ANK2: variants seen among roughly 807,000 people sequenced by gnomAD.
ANK2 encodes the protein ankyrin-2.
ANK2 carries 83 observed loss-of-function variants against 360.5 expected under a neutral mutation model. The observed-to-expected ratio is 0.23, with a 90% CI of 0.19 to 0.28. The LOEUF is 0.28. Ranked by LOEUF, ANK2 falls within the 10% of genes least tolerant of loss-of-function variation. The pLI, the probability that ANK2 is intolerant of heterozygous loss-of-function variation, is 1.00. For synonymous variants in ANK2, 1,740 were observed against 1,759.5 expected (o/e 0.99, Z 0.28); for missense variants, 4,201 against 4,795.7 (o/e 0.88, Z 3.66).
At chr4:113,350,305 C>G in intron 37 of ANK2, 56 bp downstream of exon 37, 1 of 1,514,708 alleles carries the variant, frequency 6.6e-7, no homozygotes, top group Non-Finnish European at 9.1e-7. Flanking sequence ...TAAAAAGAAG[C>G]ATGAATTAAA....
At chr4:112,941,797 G>C (rs139351316) in intron 2 of ANK2, among the ~76,000 whole-genome samples, 10 of 149,380 alleles carry the variant, frequency 6.7e-5, no homozygotes, top group African/African-American at 2.4e-4. Flanking sequence ...ATACATTTAC[G>C]TGTGTATATT....
chr4:113,147,458 T>C (rs897695065), intron 1 of ANK2, among the ~76,000 whole-genome samples: 3 of 152,208 alleles, frequency 2.0e-5, no homozygotes, highest in Admixed American at 6.5e-5. Context: ...TTAATTAATA[T>C]AGCCTGTTAG....
chr4:112,788,914 T>G, the ANK2 span: 6 of 645,940 alleles, frequency 9.3e-6, no homozygotes, highest in East Asian at 1.6e-4. Context: ...TTTTAATTAT[T>G]AATATTATAT....
chr4:113,275,841 G>A (rs151035050), intron 15 of ANK2, among the ~76,000 whole-genome samples: 27 of 150,762 alleles, frequency 1.8e-4, no homozygotes, highest in East Asian at 5.8e-4. Flanking sequence ...ATAATAAAAC[G>A]TAGTCTTTTG....
intron 2 of ANK2, among the ~76,000 whole-genome samples, chr4:112,975,995 TA>T (rs1176846741): frequency 6.6e-6 from 1 of 152,168 alleles, no homozygotes; most frequent in Non-Finnish European, 1.5e-5. Context: ...ATTTAATTGG[TA>T]TTTTTTTCAA....
the ANK2 span, among the ~76,000 whole-genome samples, chr4:112,811,800 G>A: frequency 6.6e-6 from 1 of 152,116 alleles, no homozygotes; most frequent in Non-Finnish European, 1.5e-5. Context: ...ACTCCGGCCG[G>A]GCGCGGTGGC....
chr4:112,930,313 G>T (rs1213496260), intron 2 of ANK2, among the ~76,000 whole-genome samples: 2 of 151,748 alleles, frequency 1.3e-5, no homozygotes, highest in Non-Finnish European at 2.9e-5. Context: ...GGTTTGGTGT[G>T]CACACACACC....
At chr4:113,147,007 C>A (rs2096859453) in intron 1 of ANK2, among the ~76,000 whole-genome samples, 1 of 152,158 alleles carries the variant, frequency 6.6e-6, no homozygotes, top group South Asian at 2.1e-4. Context: ...CATTTCTTAG[C>A]ACTGAAACTC....
the ANK2 span, among the ~76,000 whole-genome samples, chr4:112,792,591 C>T: frequency 9.2e-5 from 14 of 152,058 alleles, no homozygotes; most frequent in African/African-American, 2.7e-4. Context: ...ATTTTAGGTG[C>T]TTGGTGTTTA....
chr4:113,322,467 C>T (rs1407204282), intron 26 of ANK2, among the ~76,000 whole-genome samples: 2 of 152,228 alleles, frequency 1.3e-5, no homozygotes, highest in African/African-American at 2.4e-5. Context: ...TTTAATTTTA[C>T]AATTCTTCTT....
intron 45 of ANK2, 85 bp downstream of exon 45, chr4:113,373,534 T>G (rs775911399): frequency 1.4e-6 from 2 of 1,430,156 alleles, no homozygotes; most frequent in African/African-American, 2.8e-5. Flanking sequence ...TGTTTATTCA[T>G]ATTTTCCTCA....
chr4:113,228,870 C>G (rs1341798088), intron 4 of ANK2, among the ~76,000 whole-genome samples: 2 of 152,096 alleles, frequency 1.3e-5, no homozygotes, highest in African/African-American at 2.4e-5. Context: ...GGTTAAGTAT[C>G]TCCTACTTTG....
At chr4:113,021,362 A>G (rs2058023798) in intron 2 of ANK2, among the ~76,000 whole-genome samples, 1 of 151,880 alleles carries the variant, frequency 6.6e-6, no homozygotes, top group Admixed American at 6.6e-5. Flanking sequence ...AGCTGAGATC[A>G]AGTTTGCCAA....
rs1372849631 is a variant in ANK2 at position 113,357,087 on chromosome 4, G to A, written c.8469G>A (p.Glu2823=). The change falls in exon 38 of 46, where the codon GAG becomes GAA. Residue 2823 remains glutamate (E), a synonymous_variant. Coordinates refer to ENST00000357077, the MANE Select transcript of ANK2 (RefSeq NM_001148.6). ...ALQGTHEKDT[E]GEELDVSRAE... Reference sequence around the variant, plus strand: ...AAGGCACTCATGAAAAAGACACAGAGGGAGAAGAGCTTGATGTTTCTAGAG... The same window carrying A: ...AAGGCACTCATGAAAAAGACACAGAAGGAGAAGAGCTTGATGTTTCTAGAG... 6.8e-6 allele frequency: 11 copies of A among 1,613,940 alleles called. No homozygotes were observed. Among genetic ancestry groups the A allele is most frequent in the Non-Finnish European group, 8.5e-6 (10 of 1,179,978 alleles).
chr4:112,759,162 G>T, the ANK2 span, among the ~76,000 whole-genome samples: 2 of 151,878 alleles, frequency 1.3e-5, no homozygotes, highest in Non-Finnish European at 1.5e-5. Flanking sequence ...AAGAGACAGG[G>T]TCTCGCTCTG....
Position 113,287,678 on chromosome 4 carries a change from G to A in ANK2, c.2153G>A (p.Gly718Glu). Reference sequence around the variant, plus strand: ...GTTGCTGATATTCTCACCAAGCATGGAGCTGATCAGGATGCTCATACAAAG... The same window carrying A: ...GTTGCTGATATTCTCACCAAGCATGAAGCTGATCAGGATGCTCATACAAAG... ...VNVADILTKH[G>E]ADQDAHTKLG... The change falls in exon 19 of 46, where the codon GGA becomes GAA. Residue 718 changes from glycine (G) to glutamate (E), a missense_variant. Physicochemically the swap from Gly to Glu is moderately conservative, Grantham distance 98 (BLOSUM62 -2). Transcript: ENST00000357077. The A allele has an allele frequency of 6.2e-7, 1 of 1,612,672 alleles. No individual in the cohort carries two copies. The highest frequency in any genetic ancestry group is 8.5e-7 in the Non-Finnish European group (1 of 1,178,798).
chr4:112,739,456 A>G, the ANK2 span, among the ~76,000 whole-genome samples: 2 of 152,146 alleles, frequency 1.3e-5, no homozygotes, highest in Non-Finnish European at 2.9e-5. Flanking sequence ...TCTACTAAAA[A>G]TACAAAAATT....
intron 3 of ANK2, 83 bp from the exon 4 acceptor site, chr4:113,198,928 T>C: frequency 2.8e-6 from 3 of 1,083,386 alleles, no homozygotes; most frequent in East Asian, 2.4e-5. Context: ...AAGTGATTAG[T>C]GAAGTTGAAA....
At chr4:112,808,290 C>T in the ANK2 span, among the ~76,000 whole-genome samples, 3 of 152,064 alleles carry the variant, frequency 2.0e-5, no homozygotes, top group Non-Finnish European at 4.4e-5. Flanking sequence ...GGAGCATATC[C>T]GGAAGTGGGT....
Sources: gnomAD v4.1 joint callset for allele counts (sites outside exome capture counted in the v4.1 genomes callset) on GRCh38, gnomAD v4.1.1 for gene constraint, MANE v1.5 for transcripts, NCBI Gene and HGNC (gene_info 2026-07-23, HGNC 2026-07-21) for gene names.